The following IGF1R variants were observed in gnomAD, a reference collection of about 807,000 sequenced individuals.
The protein encoded by IGF1R is insulin-like growth factor 1 receptor.
Under a neutral mutation model 144.6 loss-of-function variants are expected in IGF1R, and 44 were observed. The observed-to-expected ratio is 0.30, with a 90% CI of 0.24 to 0.39. IGF1R has a LOEUF of 0.39. IGF1R is among the 10% of genes least tolerant of loss of function. The pLI is 1.00. For missense variants in IGF1R, 1,355 were observed against 1,833.7 expected, an observed-to-expected ratio of 0.74 and a Z score of 4.77; for synonymous variants, 795 against 722.8, an observed-to-expected ratio of 1.10 and a Z score of -1.60.
In IGF1R at chr15:98,964,392, T is replaced by G; in HGVS notation, c.*6950T>G. On this transcript the variant is annotated 3_prime_UTR_variant, in exon 21 of 21. Coordinates refer to ENST00000650285, the MANE Select transcript of IGF1R (RefSeq NM_000875.5). ...ATTTATTCCTGTTATTGCGATATAC[T>G]CTGGATTCTTTACATAATGGAAAAA... 1 of 230,658 alleles carries G rather than the reference T, an allele frequency of 4.3e-6. No individual in the cohort carries two copies. The allele number at this position is 230,658 out of a possible 1,614,324, so 14.3% of individuals were successfully genotyped here.
At chr15:98,931,985 G>A (rs1432589559) in intron 15 of IGF1R, among the ~76,000 whole-genome samples, 1 of 152,218 alleles carries the variant, frequency 6.6e-6, no homozygotes, top group African/African-American at 2.4e-5. Flanking sequence ...CCCTCTGTGA[G>A]GGTGGACTGT....
intron 1 of IGF1R, among the ~76,000 whole-genome samples, chr15:98,682,263 G>A (rs764235959): frequency 3.9e-5 from 6 of 152,128 alleles, no homozygotes; most frequent in Non-Finnish European, 7.4e-5. Flanking sequence ...AGGAGGAGCT[G>A]GGAAGGTACC....
chr15:98,840,218 C>A (rs1277778232), intron 2 of IGF1R, among the ~76,000 whole-genome samples: 1 of 152,194 alleles, frequency 6.6e-6, no homozygotes, highest in Non-Finnish European at 1.5e-5. Context: ...GAGTGTGTTA[C>A]ATGAGCTCAG....
chr15:98,899,355 G>T (rs892248467), intron 4 of IGF1R, 122 bp from the exon 5 acceptor site: 39 of 955,446 alleles, frequency 4.1e-5, no homozygotes, highest in Non-Finnish European at 6.3e-5. Context: ...AGCCAGTCCT[G>T]TGCTGGGAGC....
intron 2 of IGF1R, among the ~76,000 whole-genome samples, chr15:98,834,900 GT>G (rs1326242265): frequency 6.6e-6 from 1 of 152,166 alleles, no homozygotes; most frequent in Non-Finnish European, 1.5e-5. Context: ...AGAGCTAACA[GT>G]TTTGGTTAGG....
intron 1 of IGF1R, among the ~76,000 whole-genome samples, chr15:98,650,296 C>T (rs1195858771): frequency 2.6e-5 from 4 of 152,228 alleles, no homozygotes; most frequent in Non-Finnish European, 5.9e-5. Context: ...CCTCGGGCTC[C>T]TCGGGTTCCT....
intron 2 of IGF1R, among the ~76,000 whole-genome samples, chr15:98,866,797 ATGT>A (rs2012474338): frequency 6.6e-6 from 1 of 152,218 alleles, no homozygotes; most frequent in African/African-American, 2.4e-5. Context: ...TGCTCCCATC[ATGT>A]TGTTTTTAAT....
intron 20 of IGF1R, among the ~76,000 whole-genome samples, chr15:98,950,081 G>A (rs2016715945): frequency 6.6e-6 from 1 of 152,190 alleles, no homozygotes; most frequent in Non-Finnish European, 1.5e-5. Context: ...ACCAATTCAG[G>A]AGATTTCCAG....
chr15:98,803,839 A>G (rs1041496713), intron 2 of IGF1R, among the ~76,000 whole-genome samples: 2 of 152,294 alleles, frequency 1.3e-5, no homozygotes, highest in East Asian at 1.9e-4. Context: ...GAAGGTGTAC[A>G]CTCTTAAATA....
At chr15:98,703,582 G>A (rs182382179) in intron 1 of IGF1R, among the ~76,000 whole-genome samples, 5 of 152,336 alleles carry the variant, frequency 3.3e-5, no homozygotes, top group East Asian at 1.9e-4. Flanking sequence ...TAAGTGGGTA[G>A]CTTCTTCCTA....
At position 98,908,838 on chromosome 15, in the gene IGF1R, G is replaced by A. The variant is rs202060277; in HGVS notation, c.1401G>A (p.Gly467=). 1.1e-4 allele frequency: 177 copies of A among 1,614,172 alleles called. No homozygotes were observed. Among genetic ancestry groups the A allele is most frequent in the Non-Finnish European group, 1.4e-4 (168 of 1,180,020 alleles). The part of the protein sequence containing the change: ...SEIYRMEEVT[G]TKGRQSKGDI... Reference sequence around the variant, plus strand: ...TTTACCGCATGGAGGAAGTGACGGGGACTAAAGGGCGCCAAAGCAAAGGGG... The same window carrying A: ...TTTACCGCATGGAGGAAGTGACGGGAACTAAAGGGCGCCAAAGCAAAGGGG... The change falls in exon 6 of 21, where the codon GGG becomes GGA. Residue 467 remains glycine, a synonymous_variant. Coordinates refer to ENST00000650285, the MANE Select transcript of IGF1R (RefSeq NM_000875.5).
Position 98,659,268 on chromosome 15 carries a change from C to T in IGF1R, c.94+9593C>T, listed in dbSNP as rs1312842639. 3.3e-5 allele frequency among the ~76,000 whole-genome samples: 5 copies of T among 152,048 alleles called. No homozygotes were observed. The East Asian group carries it at 7.7e-4, about 23-fold the overall frequency. On this transcript the variant is annotated intron_variant, in intron 1 of 20. Coordinates refer to ENST00000650285, the MANE Select transcript of IGF1R (RefSeq NM_000875.5). Reference sequence around the variant, plus strand: ...TTTTTTTCAGTAAACGATGGTCATCCCCCTGCAGTTTGCCTTCCATTTCAG... The same window carrying T: ...TTTTTTTCAGTAAACGATGGTCATCTCCCTGCAGTTTGCCTTCCATTTCAG...
chr15:98,879,324 G>A (rs1361082809), intron 2 of IGF1R, among the ~76,000 whole-genome samples: 1 of 152,036 alleles, frequency 6.6e-6, no homozygotes, highest in Non-Finnish European at 1.5e-5. Flanking sequence ...GCCAAATTCC[G>A]CCCCCAGCCC....
intron 5 of IGF1R, among the ~76,000 whole-genome samples, chr15:98,907,310 G>A (rs1193186602): frequency 6.6e-6 from 1 of 152,208 alleles, no homozygotes; most frequent in African/African-American, 2.4e-5. Flanking sequence ...AGAGGTCCTG[G>A]TTTGGGTGTA....
At position 98,939,217 on chromosome 15, in the gene IGF1R, C is replaced by T. The variant is rs886051561; in HGVS notation, c.3314C>T (p.Ala1105Val). 4.3e-6 allele frequency: 7 copies of T among 1,613,914 alleles called. 1 individual carries two copies. The highest frequency in any genetic ancestry group is 3.3e-4 in the Middle Eastern group (2 of 6,062). The stretch of plus-strand genomic sequence containing the variant: ...CTCCAACAGAATAATCCAGTCCTAG[C>T]ACCTCCAAGCCTGAGCAAGATGATT... ...RPEMENNPVLAPPSLSKMIQM... is the reference protein window; with the variant it reads ...RPEMENNPVLVPPSLSKMIQM... The change falls in exon 18 of 21, where the codon GCA becomes GTA. Residue 1105 changes from alanine to valine, a missense_variant. Coordinates refer to ENST00000650285, the MANE Select transcript of IGF1R (RefSeq NM_000875.5).
chr15:98,688,676 A>G (rs2053398811), intron 1 of IGF1R, among the ~76,000 whole-genome samples: 1 of 151,960 alleles, frequency 6.6e-6, no homozygotes, highest in Non-Finnish European at 1.5e-5. Flanking sequence ...TTAAATCTGT[A>G]AAATGGTATC....
intron 2 of IGF1R, among the ~76,000 whole-genome samples, chr15:98,791,431 G>A (rs141448665): frequency 6.6e-6 from 1 of 152,248 alleles, no homozygotes; most frequent in East Asian, 1.9e-4. Flanking sequence ...AACCAAGATT[G>A]GTGATCTGTT....
intron 5 of IGF1R, among the ~76,000 whole-genome samples, chr15:98,907,091 G>A (rs927122711): frequency 6.6e-6 from 1 of 152,182 alleles, no homozygotes; most frequent in African/African-American, 2.4e-5. Flanking sequence ...GAGTAAACAG[G>A]GCTACAGATA....
chr15:98,890,685 G>C (rs2013863690), intron 2 of IGF1R: 2 of 157,304 alleles, frequency 1.3e-5, no homozygotes, highest in African/African-American at 4.8e-5. Flanking sequence ...ACACACCTAT[G>C]TTCTTGGACT....
Sources: gnomAD v4.1 joint callset for allele counts (sites outside exome capture counted in the v4.1 genomes callset) on GRCh38, gnomAD v4.1.1 for gene constraint, MANE v1.5 for transcripts, NCBI Gene and HGNC (gene_info 2026-07-23, HGNC 2026-07-21) for gene names.